The following TXNRD2 variants were observed in gnomAD, a reference collection of about 807,000 sequenced individuals.
The protein encoded by TXNRD2 is thioredoxin reductase 2, mitochondrial.
Under a neutral mutation model 70.8 loss-of-function variants are expected in TXNRD2, and 67 were observed. The ratio of observed to expected loss-of-function variants is 0.95; its 90% CI spans 0.78 to 1.16. The LOEUF (loss-of-function observed/expected upper bound fraction) is 1.16. Among genes scored for constraint, TXNRD2 ranks in the 50% most tolerant of loss-of-function variants. The probability of loss-of-function intolerance (pLI) is 0.00; values close to 1 mark genes in which losing one functional copy is unlikely to be tolerated. For synonymous variants in TXNRD2, 301 were observed against 295.8 expected (o/e 1.02, Z -0.18); for missense variants, 644 against 719.9 (o/e 0.89, Z 1.21).
chr22:19,935,098 A>G (rs1941494952), intron 1 of TXNRD2, among the ~76,000 whole-genome samples: 1 of 152,234 alleles, frequency 6.6e-6, no homozygotes, highest in African/African-American at 2.4e-5. Context: ...CTGTGGGGTC[A>G]GGCAAAAAGA....
Position 19,877,081 on chromosome 22 carries a change from TGCCCTGGCCTGC to T in TXNRD2, c.*12_*23del. 1 of 1,581,836 alleles carries T rather than the reference TGCCCTGGCCTGC, an allele frequency of 6.3e-7. No homozygotes were observed. Among genetic ancestry groups the T allele is most frequent in the Non-Finnish European group, 8.7e-7 (1 of 1,155,538 alleles). ...AGGAGCTGGCGGCGGGCGCACCGTGTGCCCTGGCCTGCAGGGATGGCGCTTACCCTCAGCAGC... is the reference window on the plus strand; with the variant it reads ...AGGAGCTGGCGGCGGGCGCACCGTGTAGGGATGGCGCTTACCCTCAGCAGC... On this transcript the variant is annotated 3_prime_UTR_variant, in exon 17 of 18. Transcript: ENST00000400521.
intron 1 of TXNRD2, 29 bp from the exon 2 acceptor site, chr22:19,931,127 ACTGT>A (rs760459289): frequency 1.2e-6 from 2 of 1,607,192 alleles, no homozygotes; most frequent in South Asian, 1.1e-5. Context: ...GGTGGGACGG[ACTGT>A]CTGTCTGGTT....
Position 19,920,938 on chromosome 22 carries a change from T to TAAA in TXNRD2, c.173-1342_173-1340dup, listed in dbSNP as rs200118529. On this transcript the variant is annotated intron_variant, in intron 2 of 17. Transcript: ENST00000400521. The stretch of plus-strand genomic sequence containing the variant: ...TAACACGGTGAAACCCTGTCTCTAC[T>TAAA]AAAAAATACAAAAACAAAATTAGTT... 2.4e-3 allele frequency among the ~76,000 whole-genome samples: 364 copies of TAAA among 151,750 alleles called. 1 individual carries two copies. Among genetic ancestry groups the TAAA allele is most frequent in the Non-Finnish European group, 3.8e-3 (258 of 67,912 alleles).
intron 1 of TXNRD2, among the ~76,000 whole-genome samples, chr22:19,932,914 T>A (rs113571049): frequency 0.011 from 1,631 of 152,304 alleles, 29 homozygotes; most frequent in African/African-American, 0.036. Context: ...CAGGCAAGGC[T>A]GCAGAGAGTG....
intron 11 of TXNRD2, among the ~76,000 whole-genome samples, chr22:19,893,255 T>C (rs1939344444): frequency 6.6e-6 from 1 of 152,324 alleles, no homozygotes; most frequent in Middle Eastern, 3.4e-3. Flanking sequence ...GCTCTGATCT[T>C]GGGCTCTCGC....
Position 19,915,205 on chromosome 22 carries a change from G to C in TXNRD2, c.591+9C>G. 1 of 1,613,492 alleles carries C rather than the reference G, an allele frequency of 6.2e-7. No individual in the cohort carries two copies. Among genetic ancestry groups the C allele is most frequent in the Non-Finnish European group, 8.5e-7 (1 of 1,179,720 alleles). ...GGCAGCAGGGACGCTATGCTCTGGG[G>C]ACACTCACGTGCGTGGGGTATCTCG... On this transcript the variant is annotated intron_variant, in intron 7 of 17. Transcript: ENST00000400521.
chr22:19,892,440 A>G (rs932289203), intron 11 of TXNRD2, among the ~76,000 whole-genome samples: 11 of 152,266 alleles, frequency 7.2e-5, no homozygotes, highest in African/African-American at 2.7e-4. Flanking sequence ...CCCAGCATCA[A>G]TCATGCCAGG....
At chr22:19,923,512 C>T (rs1699529963) in intron 2 of TXNRD2, among the ~76,000 whole-genome samples, 2 of 152,152 alleles carry the variant, frequency 1.3e-5, no homozygotes, top group Non-Finnish European at 2.9e-5. Flanking sequence ...GCAGACTGGG[C>T]GTGGTAACTG....
At position 19,899,160 on chromosome 22, in the gene TXNRD2, C is replaced by T. The variant is rs936969924; in HGVS notation, c.663-92G>A. The T allele has an allele frequency of 4.5e-6, 7 of 1,554,074 alleles. No homozygotes were observed. In the African/African-American group the frequency reaches 8.1e-5, roughly 18 times the overall value. ...CAGAACCCCGCAGCCTTTGCCCAGG[C>T]CCTTGGTCAGCTCGTGGGCTCCAAG... On this transcript the variant is annotated intron_variant, in intron 8 of 17. Transcript: ENST00000400521.
chr22:19,896,763 C>T (rs1003941933), intron 10 of TXNRD2, among the ~76,000 whole-genome samples: 1 of 152,230 alleles, frequency 6.6e-6, no homozygotes, highest in Non-Finnish European at 1.5e-5. Context: ...TCCTCTGACA[C>T]CTGTGCGGGT....
At position 19,911,386 on chromosome 22, in the gene TXNRD2, G is replaced by C; in HGVS notation, c.653C>G (p.Pro218Arg). ...SDDIFWLKES[P>R]GKTLVVGASY... Reference sequence around the variant, plus strand: ...CACGCGCAGGCCTTACGTTTTTCCAGGGGATTCCTTCAGCCAGAAGATGTC... The same window carrying C: ...CACGCGCAGGCCTTACGTTTTTCCACGGGATTCCTTCAGCCAGAAGATGTC... Residue 218 changes from proline (P) to arginine (R), a missense_variant, in exon 8 of 18, where the codon CCT (proline) becomes CGT (arginine). Around this residue, in one of 3 missense-constraint regions of TXNRD2, gnomAD observed 566 missense variants for 645.0 expected, o/e 0.88. Coordinates refer to ENST00000400521, the MANE Select transcript of TXNRD2 (RefSeq NM_006440.5). The C allele has an allele frequency of 6.2e-7, 1 of 1,613,818 alleles. No individual in the cohort carries two copies. The highest frequency in any genetic ancestry group is 8.5e-7 in the Non-Finnish European group (1 of 1,179,760).
At chr22:19,907,620 C>T (rs1250134045) in intron 8 of TXNRD2, among the ~76,000 whole-genome samples, 1 of 42,074 alleles carries the variant, frequency 2.4e-5, no homozygotes, top group Non-Finnish European at 4.3e-5. Flanking sequence ...CCGTGGATAG[C>T]AGTGACCGCT....
At position 19,921,448 on chromosome 22, in the gene TXNRD2, G is replaced by T. The variant is rs115245884; in HGVS notation, c.173-1849C>A. ...AAAAAAAAAAAGCCAGTGTGCCAGT[G>T]TGTAACTCCCACATCTGACCACGAT... On this transcript the variant is annotated intron_variant, in intron 2 of 17. Coordinates refer to ENST00000400521, the MANE Select transcript of TXNRD2 (RefSeq NM_006440.5). Among the ~76,000 whole-genome samples the T allele has an allele frequency of 4.8e-3, 722 of 150,812 alleles. 6 individuals are homozygous for T. The highest frequency in any genetic ancestry group is 0.017 in the African/African-American group (696 of 41,014).
chr22:19,923,181 T>G (rs1363580601), intron 2 of TXNRD2, among the ~76,000 whole-genome samples: 1 of 152,224 alleles, frequency 6.6e-6, no homozygotes, highest in Non-Finnish European at 1.5e-5. Flanking sequence ...TGTTTTCCTA[T>G]AACTCTTAAC....
intron 11 of TXNRD2, among the ~76,000 whole-genome samples, chr22:19,887,019 A>G (rs763934945): frequency 7.2e-5 from 11 of 152,254 alleles, no homozygotes; most frequent in Non-Finnish European, 1.5e-4. Flanking sequence ...GGCGGCGCAC[A>G]GCACTCTCTG....
chr22:19,904,182 A>C (rs1939902748), intron 8 of TXNRD2, among the ~76,000 whole-genome samples: 1 of 151,918 alleles, frequency 6.6e-6, no homozygotes, highest in African/African-American at 2.4e-5. Context: ...ACCCCAGTGC[A>C]CTCAAGGGTC....
Position 19,936,632 on chromosome 22 carries a change from C to T in TXNRD2, c.103+5069G>A, listed in dbSNP as rs570289065. ...GTCACTTTGCCATCCACTCAACCTG[C>T]TTCTCTGTACCCTTCTTCATGCAGG... On this transcript the variant is annotated intron_variant, in intron 1 of 17. Transcript: ENST00000400521. Among the ~76,000 whole-genome samples the T allele has an allele frequency of 9.2e-5, 14 of 152,270 alleles. No homozygotes were observed. The South Asian group carries it at 2.1e-3, about 23-fold the overall frequency.
chr22:19,912,326 C>A (rs375902275), intron 7 of TXNRD2, among the ~76,000 whole-genome samples: 2 of 152,348 alleles, frequency 1.3e-5, no homozygotes, highest in Admixed American at 1.3e-4. Context: ...GACTAAAACG[C>A]AAGCAAGCCT....
chr22:19,897,933 T>G (rs1353877754), intron 10 of TXNRD2, 106 bp downstream of exon 10: 1 of 837,668 alleles, frequency 1.2e-6, no homozygotes, highest in Admixed American at 2.3e-5. Flanking sequence ...CTCTAAAGAT[T>G]CAGGCATCAC....
Sources: allele counts gnomAD v4.1 joint callset (sites outside exome capture counted in the v4.1 genomes callset), GRCh38; gene constraint gnomAD v4.1.1; regional missense constraint gnomAD v4.1.1; transcripts MANE v1.5; gene names NCBI Gene and HGNC (gene_info 2026-07-23, HGNC 2026-07-21).